The following MYO18B variants were observed in gnomAD, a reference collection of about 807,000 sequenced individuals.
MYO18B encodes myosin XVIIIB, also known as unconventional myosin-XVIIIb.
MYO18B carries 204 observed loss-of-function variants against 273.0 expected under a neutral mutation model. The ratio of observed to expected loss-of-function variants is 0.75; its 90% confidence interval spans 0.67 to 0.84. The LOEUF is 0.84. Ranked by LOEUF, MYO18B falls within the 40% of genes least tolerant of loss-of-function variation. MYO18B has a pLI of 0.00. For missense variants in MYO18B, 3,212 were observed against 3,287.6 expected, an observed-to-expected ratio of 0.98 and a Z score of 0.56; for synonymous variants, 1,330 against 1,305.7, an observed-to-expected ratio of 1.02 and a Z score of -0.40.
chr22:25,764,067 A>G (rs2086421400), intron 3 of MYO18B, among the ~76,000 whole-genome samples: 1 of 152,202 alleles, frequency 6.6e-6, no homozygotes, highest in Non-Finnish European at 1.5e-5. Flanking sequence ...TGGAATGGCT[A>G]CAATCCAATA....
At position 25,963,178 on chromosome 22, in the gene MYO18B, T is replaced by TCTCTCACACA. The variant is rs774304270; in HGVS notation, c.6156+7815_6156+7816insTCTCACACAC. On this transcript the variant is annotated intron_variant, in intron 39 of 43. Coordinates refer to ENST00000335473, the MANE Select transcript of MYO18B (RefSeq NM_032608.7). ...TCTTTCTCCTCTCTCTCTCTCTCTC[T>TCTCTCACACA]CACACACACACACACACACACACAC... Among the ~76,000 whole-genome samples the TCTCTCACACA allele has an allele frequency of 1.6e-3, 224 of 144,156 alleles. 1 individual carries two copies. The highest frequency in any genetic ancestry group is 5.1e-3 in the African/African-American group (198 of 38,514). The allele number at this position is 144,156 out of a possible 152,430, so 94.6% of individuals were successfully genotyped here.
At chr22:25,901,707 G>T (rs971669263) in intron 29 of MYO18B, among the ~76,000 whole-genome samples, 1 of 150,790 alleles carries the variant, frequency 6.6e-6, no homozygotes, top group Admixed American at 6.6e-5. Context: ...CCATTCGTTT[G>T]TTCATTGGTC....
chr22:25,792,966 G>A (rs191136809), intron 11 of MYO18B, among the ~76,000 whole-genome samples: 9 of 152,320 alleles, frequency 5.9e-5, no homozygotes, highest in Admixed American at 5.9e-4. Flanking sequence ...GTCCCCTTCA[G>A]TGGACTGGGA....
chr22:25,832,790 TAA>T (rs35045598), intron 15 of MYO18B, 125 bp from the exon 16 acceptor site: 1 of 776,516 alleles, frequency 1.3e-6, no homozygotes, highest in Non-Finnish European at 2.0e-6. Context: ...TGCCAAAATT[TAA>T]AAAAACGATT....
At chr22:25,903,245 T>G in intron 30 of MYO18B, 1 of 214,222 alleles carries the variant, frequency 4.7e-6, no homozygotes, top group Non-Finnish European at 9.4e-6. Flanking sequence ...CCTGGAAGAG[T>G]CATTTCTGAG....
At chr22:25,854,488 TA>T (rs144755290) in intron 21 of MYO18B, among the ~76,000 whole-genome samples, 1,946 of 151,864 alleles carry the variant, frequency 0.013, 35 homozygotes, top group African/African-American at 0.043. Flanking sequence ...ACATAGGGCT[TA>T]AAAAAAAATT....
At chr22:25,831,770 G>A (rs1362371178) in intron 15 of MYO18B, among the ~76,000 whole-genome samples, 1 of 152,118 alleles carries the variant, frequency 6.6e-6, no homozygotes, top group Non-Finnish European at 1.5e-5. Context: ...CACTCATTAG[G>A]TTCTCAGTAA....
intron 33 of MYO18B, among the ~76,000 whole-genome samples, chr22:25,919,141 C>T (rs1382644886): frequency 3.9e-5 from 6 of 152,160 alleles, no homozygotes. Flanking sequence ...TAAGTGCTTT[C>T]TACCTAAAAT....
the MYO18B span, among the ~76,000 whole-genome samples, chr22:26,050,950 A>G: frequency 1.3e-5 from 2 of 152,224 alleles, no homozygotes; most frequent in African/African-American, 4.8e-5. Flanking sequence ...AGAAGCAAGT[A>G]TTGAAGGTAA....
chr22:25,842,310 A>T (rs1019348736), intron 17 of MYO18B, among the ~76,000 whole-genome samples: 3 of 152,174 alleles, frequency 2.0e-5, no homozygotes, highest in Non-Finnish European at 1.5e-5. Context: ...CAATAGCAGG[A>T]TGGGAAAGCA....
chr22:26,052,776 G>A, the MYO18B span, among the ~76,000 whole-genome samples: 121 of 151,696 alleles, frequency 8.0e-4, no homozygotes, highest in African/African-American at 2.9e-3. Context: ...AACATATGTT[G>A]TGAGTTATGA....
chr22:25,899,203 C>T (rs1364830482), intron 29 of MYO18B: 1 of 152,174 alleles, frequency 6.6e-6, no homozygotes, highest in African/African-American at 2.4e-5. Context: ...GGATTTGTAC[C>T]CAGATTCGCA....
intron 39 of MYO18B, among the ~76,000 whole-genome samples, chr22:25,987,469 A>G (rs911400399): frequency 6.6e-6 from 1 of 152,186 alleles, no homozygotes; most frequent in Admixed American, 6.5e-5. Context: ...TATACACGAT[A>G]TATATATCCT....
downstream of MYO18B, among the ~76,000 whole-genome samples, chr22:26,035,494 T>C (rs902087676): frequency 2.0e-5 from 3 of 152,236 alleles, no homozygotes; most frequent in Non-Finnish European, 4.4e-5. Context: ...AACCCATCTC[T>C]GGCCAAATAT....
At chr22:25,927,161 A>AGAACAG (rs1475249075) in intron 34 of MYO18B, among the ~76,000 whole-genome samples, 1 of 152,230 alleles carries the variant, frequency 6.6e-6, no homozygotes, top group African/African-American at 2.4e-5. Flanking sequence ...CCTTGAAAAA[A>AGAACAG]GAACAGGATA....
chr22:26,022,700 G>T (rs1379748504), intron 42 of MYO18B, among the ~76,000 whole-genome samples: 1 of 152,164 alleles, frequency 6.6e-6, no homozygotes, highest in African/African-American at 2.4e-5. Flanking sequence ...GGTTTCAAAG[G>T]CACCAGACCA....
intron 33 of MYO18B, among the ~76,000 whole-genome samples, chr22:25,913,467 C>T (rs990439342): frequency 1.4e-4 from 21 of 152,162 alleles, no homozygotes; most frequent in African/African-American, 5.1e-4. Context: ...GGGTTCATGC[C>T]ATTTTCCTGC....
intron 42 of MYO18B, among the ~76,000 whole-genome samples, chr22:26,006,690 A>T (rs1473583170): frequency 6.6e-6 from 1 of 152,158 alleles, no homozygotes; most frequent in African/African-American, 2.4e-5. Flanking sequence ...CAGCTGTGAG[A>T]TTTTGGACAA....
intron 12 of MYO18B, among the ~76,000 whole-genome samples, chr22:25,804,481 C>A (rs796124651): frequency 2.6e-5 from 4 of 152,328 alleles, no homozygotes; most frequent in African/African-American, 9.6e-5. Flanking sequence ...TGCGCAAGGG[C>A]ACACAGCTGG....
Sources: allele counts gnomAD v4.1 joint callset (sites outside exome capture counted in the v4.1 genomes callset), GRCh38; gene constraint gnomAD v4.1.1; transcripts MANE v1.5; gene names NCBI Gene and HGNC (gene_info 2026-07-23, HGNC 2026-07-21).